The following OR6N1 variants were observed in gnomAD, a reference collection of about 807,000 sequenced individuals.
OR6N1 encodes olfactory receptor family 6 subfamily N member 1.
For missense variants in OR6N1, 394 were observed against 371.7 expected, an observed-to-expected ratio of 1.06 and a Z score of -0.49; for synonymous variants, 170 against 150.7, an observed-to-expected ratio of 1.13 and a Z score of -0.94.
the OR6N1 span, among the ~76,000 whole-genome samples, chr1:158,788,468 C>A: frequency 6.6e-6 from 1 of 151,946 alleles, no homozygotes; most frequent in Non-Finnish European, 1.5e-5. Context: ...AATATCTTTA[C>A]TATTTTTGCT....
At chr1:158,815,382 G>T in the OR6N1 span, among the ~76,000 whole-genome samples, 2 of 152,174 alleles carry the variant, frequency 1.3e-5, no homozygotes. Flanking sequence ...GCAATTGCCA[G>T]TGATTTTGCT....
chr1:158,770,002 T>C (rs1041337752), intron 1 of OR6N1, among the ~76,000 whole-genome samples: 10 of 152,206 alleles, frequency 6.6e-5, no homozygotes, highest in African/African-American at 2.4e-4. Context: ...GTTTTCTAGA[T>C]GTTCTATATT....
In OR6N1 at chr1:158,766,378, T is replaced by G. The variant is rs748295118; in HGVS notation, c.305A>C (p.Tyr102Ser). Residue 102 changes from tyrosine (Y) to serine (S), a missense_variant, in exon 2 of 2, where the codon TAT becomes TCT. Coordinates refer to ENST00000641846, the MANE Select transcript of OR6N1 (RefSeq NM_001005185.2). ...AGTCGCTCCAAGGGAGTGAAAGAAATAGATCTGCAGGAGACACCCAGAGAA... is the reference window on the plus strand; with the variant it reads ...AGTCGCTCCAAGGGAGTGAAAGAAAGAGATCTGCAGGAGACACCCAGAGAA... ...ISFSGCLLQIYFFHSLGATEC... is the reference protein window; with the variant it reads ...ISFSGCLLQISFFHSLGATEC... 15 of 1,613,902 alleles carry G rather than the reference T, an allele frequency of 9.3e-6. No individual in the cohort carries two copies. Among genetic ancestry groups the G allele is most frequent in the Non-Finnish European group, 1.3e-5 (15 of 1,179,986 alleles).
chr1:158,777,427 T>C, the OR6N1 span: 3 of 1,614,056 alleles, frequency 1.9e-6, no homozygotes, highest in Non-Finnish European at 2.5e-6. Flanking sequence ...ATACCACAAC[T>C]CCAAGAAGGA....
At chr1:158,772,524 C>A (rs1405452534), upstream of OR6N1, among the ~76,000 whole-genome samples, 1 of 152,178 alleles carries the variant, frequency 6.6e-6, no homozygotes, top group Non-Finnish European at 1.5e-5. Flanking sequence ...AGTAAGCATA[C>A]AACTTTCAAT....
At chr1:158,777,732 T>G in the OR6N1 span, 1 of 737,554 alleles carries the variant, frequency 1.4e-6, no homozygotes, top group Non-Finnish European at 2.2e-6. Flanking sequence ...CTTTTTAACT[T>G]AAAAGTAGCA....
the OR6N1 span, among the ~76,000 whole-genome samples, chr1:158,806,611 C>T: frequency 6.6e-6 from 1 of 152,170 alleles, no homozygotes; most frequent in East Asian, 1.9e-4. Flanking sequence ...ACTATACTGT[C>T]CTGATTCTGG....
chr1:158,807,550 T>C, the OR6N1 span, among the ~76,000 whole-genome samples: 1 of 152,014 alleles, frequency 6.6e-6, no homozygotes, highest in Admixed American at 6.6e-5. Flanking sequence ...GAACTGCAGG[T>C]TTTTTCTCCA....
chr1:158,821,299 A>C, the OR6N1 span, among the ~76,000 whole-genome samples: 3 of 152,300 alleles, frequency 2.0e-5, no homozygotes, highest in Non-Finnish European at 2.9e-5. Context: ...ATCAATGAAC[A>C]TGTGTCCAAT....
chr1:158,811,275 T>C, the OR6N1 span, among the ~76,000 whole-genome samples: 1 of 152,160 alleles, frequency 6.6e-6, no homozygotes, highest in African/African-American at 2.4e-5. Context: ...GCTTTGACTA[T>C]CTCCGTCTCC....
chr1:158,837,364 G>C, the OR6N1 span, among the ~76,000 whole-genome samples: 1 of 151,584 alleles, frequency 6.6e-6, no homozygotes, highest in African/African-American at 2.4e-5. Flanking sequence ...TTCTGTAAAT[G>C]TTTCATATAT....
chr1:158,765,631 C>G lies in OR6N1; in HGVS notation c.*113G>C. 3 of 859,802 alleles carry G rather than the reference C, an allele frequency of 3.5e-6. No individual in the cohort carries two copies. In the South Asian group the frequency reaches 4.9e-5, roughly 14 times the overall value. 53.3% of individuals were successfully genotyped at this position (859,802 alleles called of 1,614,324 possible). ...AAGTCAGTCAGCACTTGCTGCAGCTCCACCACCCCACATAGAAAAGCACTG... is the reference window on the plus strand; with the variant it reads ...AAGTCAGTCAGCACTTGCTGCAGCTGCACCACCCCACATAGAAAAGCACTG... On this transcript the variant is annotated 3_prime_UTR_variant, in exon 2 of 2. Coordinates refer to ENST00000641846, the MANE Select transcript of OR6N1 (RefSeq NM_001005185.2).
At chr1:158,793,733 T>C in the OR6N1 span, among the ~76,000 whole-genome samples, 2 of 152,164 alleles carry the variant, frequency 1.3e-5, no homozygotes, top group Non-Finnish European at 2.9e-5. Flanking sequence ...TTTTATTCAC[T>C]GGGTTGAACA....
chr1:158,809,550 A>T, the OR6N1 span, among the ~76,000 whole-genome samples: 1 of 152,098 alleles, frequency 6.6e-6, no homozygotes, highest in Non-Finnish European at 1.5e-5. Context: ...AAGGCTCCTG[A>T]TCCCATTTTA....
At chr1:158,804,742 AT>A in the OR6N1 span, among the ~76,000 whole-genome samples, 22 of 152,302 alleles carry the variant, frequency 1.4e-4, no homozygotes, top group African/African-American at 5.3e-4. Flanking sequence ...TAGGAAAAAA[AT>A]GATATGAAAT....
At chr1:158,773,973 A>G (rs549624395), upstream of OR6N1, among the ~76,000 whole-genome samples, 7 of 152,346 alleles carry the variant, frequency 4.6e-5, no homozygotes, top group South Asian at 6.2e-4. Context: ...GCTGATTGGC[A>G]TAGTGCTAAT....
the OR6N1 span, among the ~76,000 whole-genome samples, chr1:158,795,072 G>C: frequency 6.6e-6 from 1 of 152,204 alleles, no homozygotes; most frequent in Non-Finnish European, 1.5e-5. Flanking sequence ...CCCACATGTG[G>C]GTGCAGGCAG....
At chr1:158,807,512 G>A in the OR6N1 span, among the ~76,000 whole-genome samples, 1 of 152,190 alleles carries the variant, frequency 6.6e-6, no homozygotes, top group Non-Finnish European at 1.5e-5. Context: ...AAGCAATAGA[G>A]GAGCTGGAGA....
intron 1 of OR6N1, among the ~76,000 whole-genome samples, chr1:158,770,441 A>G (rs995757050): frequency 6.6e-6 from 1 of 152,126 alleles, no homozygotes; most frequent in African/African-American, 2.4e-5. Context: ...CCCCTTTAAG[A>G]TGGCAAAAAA....
Sources: gnomAD v4.1 joint callset for allele counts (sites outside exome capture counted in the v4.1 genomes callset) on GRCh38, gnomAD v4.1.1 for gene constraint, MANE v1.5 for transcripts, NCBI Gene and HGNC (gene_info 2026-07-23, HGNC 2026-07-21) for gene names.